The following KIAA1958 variants were observed in gnomAD, a reference collection of about 807,000 sequenced individuals.
The protein encoded by KIAA1958 is uncharacterized protein KIAA1958.
Under a neutral mutation model 47.2 loss-of-function variants are expected in KIAA1958, and 14 were observed. The observed-to-expected ratio is 0.30, with a 90% CI of 0.20 to 0.46. The LOEUF is 0.46. KIAA1958 is among the 20% of genes least tolerant of loss of function. The pLI is 1.00. For missense variants in KIAA1958, 803 were observed against 909.2 expected (o/e 0.88, Z 1.50); for synonymous variants, 354 against 353.3 (o/e 1.00, Z -0.02).
At chr9:112,582,692 AC>A (rs1835754971) in intron 2 of KIAA1958, 3 of 152,052 alleles carry the variant, frequency 2.0e-5, no homozygotes, top group Non-Finnish European at 4.4e-5. Flanking sequence ...TCTTATTTCA[AC>A]TAAAGGGAGG....
chr9:112,517,276 G>A (rs1039103286), intron 1 of KIAA1958, among the ~76,000 whole-genome samples: 4 of 152,154 alleles, frequency 2.6e-5, no homozygotes, highest in Non-Finnish European at 4.4e-5. Context: ...AAGGTGACAA[G>A]GTATTCAGTG....
chr9:112,516,960 G>A (rs1002526049), intron 1 of KIAA1958, among the ~76,000 whole-genome samples: 12 of 152,314 alleles, frequency 7.9e-5, no homozygotes, highest in East Asian at 1.9e-4. Context: ...TTACAACTCC[G>A]TGTTTGCCTT....
chr9:112,587,891 A>C (rs1835853280), intron 2 of KIAA1958, among the ~76,000 whole-genome samples: 1 of 152,188 alleles, frequency 6.6e-6, no homozygotes, highest in Non-Finnish European at 1.5e-5. Flanking sequence ...AACTTAATAA[A>C]ATATCCATAG....
intron 1 of KIAA1958, among the ~76,000 whole-genome samples, chr9:112,551,926 G>C (rs901933877): frequency 6.6e-6 from 1 of 152,192 alleles, no homozygotes; most frequent in African/African-American, 2.4e-5. Context: ...TTCAAATCCT[G>C]CATCTTTGGT....
At chr9:112,620,976 A>T (rs945161053) in intron 2 of KIAA1958, among the ~76,000 whole-genome samples, 32 of 152,180 alleles carry the variant, frequency 2.1e-4, no homozygotes, top group African/African-American at 7.7e-4. Context: ...TGAAAAGGTG[A>T]GTTATCTTTA....
chr9:112,568,954 A>AAAAT (rs1835483081), intron 1 of KIAA1958, among the ~76,000 whole-genome samples: 1 of 148,184 alleles, frequency 6.7e-6, no homozygotes, highest in Non-Finnish European at 1.5e-5. Flanking sequence ...AAAAAAAAAA[A>AAAAT]AAAAAAAAAA....
chr9:112,578,343 G>A (rs1835684543), intron 2 of KIAA1958, among the ~76,000 whole-genome samples: 1 of 152,086 alleles, frequency 6.6e-6, no homozygotes, highest in Non-Finnish European at 1.5e-5. Flanking sequence ...GGTTACGGAT[G>A]GACCTTACAC....
intron 2 of KIAA1958, among the ~76,000 whole-genome samples, chr9:112,624,269 A>G (rs1439033669): frequency 1.3e-5 from 2 of 152,252 alleles, no homozygotes; most frequent in Non-Finnish European, 2.9e-5. Context: ...ACCATACAAT[A>G]TGGTACAGAT....
intron 1 of KIAA1958, among the ~76,000 whole-genome samples, chr9:112,533,067 T>C (rs192156239): frequency 6.6e-6 from 1 of 152,236 alleles, no homozygotes; most frequent in Admixed American, 6.5e-5. Context: ...TCCCCCCAAA[T>C]TTAAGTATAC....
At chr9:112,539,179 C>T (rs1169987905) in intron 1 of KIAA1958, among the ~76,000 whole-genome samples, 1 of 152,218 alleles carries the variant, frequency 6.6e-6, no homozygotes, top group African/African-American at 2.4e-5. Context: ...TATGACACAG[C>T]AGTTCAGCTC....
intron 1 of KIAA1958, among the ~76,000 whole-genome samples, chr9:112,507,291 A>C (rs1834249155): frequency 6.6e-6 from 1 of 152,194 alleles, no homozygotes. Context: ...TATCATATGC[A>C]TATAAGAATG....
At chr9:112,650,777 A>G (rs1837044402) in intron 3 of KIAA1958, among the ~76,000 whole-genome samples, 1 of 152,214 alleles carries the variant, frequency 6.6e-6, no homozygotes. Flanking sequence ...GCAAGGACCA[A>G]CTATGTGCTA....
chr9:112,645,582 C>T, intron 2 of KIAA1958, 68 bp from the exon 3 acceptor site: 9 of 1,051,434 alleles, frequency 8.6e-6, no homozygotes, highest in East Asian at 2.6e-5. Flanking sequence ...ATTTATCATC[C>T]CAAGATGTAA....
chr9:112,524,443 G>A (rs1185013658), intron 1 of KIAA1958, among the ~76,000 whole-genome samples: 4 of 152,124 alleles, frequency 2.6e-5, no homozygotes, highest in Non-Finnish European at 5.9e-5. Context: ...CTGAGAAAGC[G>A]GCCTTAAAAA....
At chr9:112,558,082 G>A (rs574204285) in intron 1 of KIAA1958, among the ~76,000 whole-genome samples, 7 of 151,980 alleles carry the variant, frequency 4.6e-5, no homozygotes, top group Admixed American at 2.6e-4. Flanking sequence ...AAAATTAGCC[G>A]GGCATCGTGG....
Position 112,534,049 on chromosome 9 carries a change from C to G in KIAA1958, c.-24-40008C>G, listed in dbSNP as rs1244226818. The stretch of plus-strand genomic sequence containing the variant: ...CATTGGCTTGAGTTTGAAGCCTGGC[C>G]TCACCATTTCCTAGCTCTGTAACCT... On this transcript the variant is annotated intron_variant, in intron 1 of 3. Coordinates refer to ENST00000337530, the MANE Select transcript of KIAA1958 (RefSeq NM_133465.4). 2.0e-5 allele frequency among the ~76,000 whole-genome samples: 3 copies of G among 152,178 alleles called. No homozygotes were observed. In the East Asian group the frequency reaches 5.8e-4, roughly 29 times the overall value.
At chr9:112,624,760 TATTA>T (rs1179203686) in intron 2 of KIAA1958, among the ~76,000 whole-genome samples, 1 of 152,130 alleles carries the variant, frequency 6.6e-6, no homozygotes, top group Non-Finnish European at 1.5e-5. Context: ...AGAACCAGAG[TATTA>T]ATTAGGTCAG....
intron 2 of KIAA1958, among the ~76,000 whole-genome samples, chr9:112,591,024 G>T (rs1680049635): frequency 2.6e-5 from 4 of 152,116 alleles, no homozygotes; most frequent in African/African-American, 9.7e-5. Context: ...GAAAAGAAGG[G>T]CTGTAACTCA....
At chr9:112,656,663 C>G (rs1379287742) in intron 3 of KIAA1958, among the ~76,000 whole-genome samples, 3 of 152,084 alleles carry the variant, frequency 2.0e-5, no homozygotes, top group Admixed American at 1.3e-4. Flanking sequence ...TTTTTCTATG[C>G]TCTGAAACTA....
Sources: allele counts gnomAD v4.1 joint callset (sites outside exome capture counted in the v4.1 genomes callset), GRCh38; gene constraint gnomAD v4.1.1; transcripts MANE v1.5; gene names NCBI Gene and HGNC (gene_info 2026-07-23, HGNC 2026-07-21).